GRIA1: variants seen among roughly 807,000 people sequenced by gnomAD.
GRIA1 encodes the protein glutamate ionotropic receptor AMPA type subunit 1, also known as glutamate receptor 1.
In GRIA1, 31 loss-of-function variants were observed where a neutral mutation model predicts 99.2. That is an observed-to-expected ratio of 0.31 (90% CI 0.23 to 0.42). The LOEUF is 0.42. GRIA1 is among the 10% of genes least tolerant of loss of function. The pLI is 1.00. For missense variants in GRIA1, 782 were observed against 1,157.5 expected (o/e 0.68, Z 4.71); for synonymous variants, 438 against 432.4 (o/e 1.01, Z -0.16).
At chr5:153,536,874 G>A (rs75012714) in intron 2 of GRIA1, among the ~76,000 whole-genome samples, 3,151 of 152,202 alleles carry the variant, frequency 0.021, 108 homozygotes, top group African/African-American at 0.071. Context: ...GTTGAGACAG[G>A]TCATCTTTGT....
At chr5:153,800,027 C>T (rs1425741291) in intron 14 of GRIA1, among the ~76,000 whole-genome samples, 2 of 152,330 alleles carry the variant, frequency 1.3e-5, no homozygotes, top group Admixed American at 6.5e-5. Context: ...CTCCCTTGTC[C>T]TTGGAGGCTA....
At chr5:153,711,444 G>C (rs1267241162) in intron 11 of GRIA1, among the ~76,000 whole-genome samples, 2 of 152,144 alleles carry the variant, frequency 1.3e-5, no homozygotes, top group Non-Finnish European at 2.9e-5. Context: ...AGGATGAGGA[G>C]GGGGAGGAAT....
chr5:153,527,113 G>A (rs746649531), intron 2 of GRIA1, among the ~76,000 whole-genome samples: 2 of 152,126 alleles, frequency 1.3e-5, no homozygotes, highest in East Asian at 3.8e-4. Context: ...ATATGCCTTC[G>A]TGATGCTGAT....
chr5:153,507,388 C>G (rs1308670950), intron 2 of GRIA1, among the ~76,000 whole-genome samples: 3 of 152,144 alleles, frequency 2.0e-5, no homozygotes, highest in Non-Finnish European at 4.4e-5. Context: ...CTCACTCCTT[C>G]TGCTCCTTTT....
At chr5:153,505,709 A>G (rs914590246) in intron 2 of GRIA1, among the ~76,000 whole-genome samples, 2 of 152,268 alleles carry the variant, frequency 1.3e-5, no homozygotes, top group Non-Finnish European at 2.9e-5. Context: ...CACTGAGGGA[A>G]CATTGGAAAT....
chr5:153,660,998 T>A (rs1755331400), intron 5 of GRIA1, among the ~76,000 whole-genome samples: 1 of 152,178 alleles, frequency 6.6e-6, no homozygotes. Context: ...TTAACTCCTG[T>A]AGAATGTTAG....
chr5:153,627,200 T>C (rs1767712780), intron 2 of GRIA1, among the ~76,000 whole-genome samples: 1 of 152,150 alleles, frequency 6.6e-6, no homozygotes, highest in Non-Finnish European at 1.5e-5. Flanking sequence ...ACAGAAACAA[T>C]AGTAGTCATT....
At chr5:153,809,454 A>G (rs895236714) in intron 15 of GRIA1, among the ~76,000 whole-genome samples, 3 of 152,234 alleles carry the variant, frequency 2.0e-5, no homozygotes, top group Admixed American at 2.0e-4. Flanking sequence ...AGAACATTTT[A>G]AAACATTGTC....
chr5:153,581,049 G>A (rs1261640582), intron 2 of GRIA1, among the ~76,000 whole-genome samples: 1 of 152,184 alleles, frequency 6.6e-6, no homozygotes, highest in Non-Finnish European at 1.5e-5. Flanking sequence ...GAAACCCAGC[G>A]GCTTACGTAG....
intron 2 of GRIA1, among the ~76,000 whole-genome samples, chr5:153,550,691 G>T (rs527483509): frequency 9.9e-5 from 15 of 152,232 alleles, no homozygotes; most frequent in Admixed American, 8.5e-4. Flanking sequence ...AACTTTACCT[G>T]TTCCTCAGCT....
intron 11 of GRIA1, among the ~76,000 whole-genome samples, chr5:153,752,237 CTATTTTA>C (rs1417565598): frequency 6.6e-6 from 1 of 152,156 alleles, no homozygotes; most frequent in Non-Finnish European, 1.5e-5. Flanking sequence ...CTCACCTCTT[CTATTTTA>C]TATCTATCTC....
At chr5:153,806,055 C>T (rs1356522382) in intron 15 of GRIA1, among the ~76,000 whole-genome samples, 1 of 152,192 alleles carries the variant, frequency 6.6e-6, no homozygotes, top group Non-Finnish European at 1.5e-5. Flanking sequence ...ATGCATTCAA[C>T]TTGCCTCTCA....
chr5:153,603,594 G>A (rs1765194009), intron 2 of GRIA1, among the ~76,000 whole-genome samples: 1 of 152,126 alleles, frequency 6.6e-6, no homozygotes, highest in South Asian at 2.1e-4. Flanking sequence ...AGAAGCTGGA[G>A]CCTATTTTCA....
In GRIA1 at chr5:153,650,467, G is replaced by T. The variant is rs1581402531; in HGVS notation, c.598G>T (p.Val200Leu). The change falls in exon 4 of 16, where the codon GTG becomes TTG. Residue 200 changes from valine (V) to leucine (L), a missense_variant. By Grantham distance (32) the Val-to-Leu change is conservative. This residue lies in a region of GRIA1 where 461 missense variants were observed against 521.7 expected (regional missense o/e 0.88). Coordinates refer to ENST00000285900, the MANE Select transcript of GRIA1 (RefSeq NM_000827.4). Reference protein sequence around the residue: ...QDLEKKKERLVVVDCESERLN... With the variant: ...QDLEKKKERLLVVDCESERLN... ...CCTGGAGAAGAAAAAGGAGCGGCTG[G>T]TGGTGGTGGACTGTGAATCAGAACG... is the stretch of plus-strand genomic sequence containing the variant. The T allele has an allele frequency of 1.2e-6, 2 of 1,613,972 alleles. No individual in the cohort carries two copies. Among genetic ancestry groups the T allele is most frequent in the Admixed American group, 1.7e-5 (1 of 59,990 alleles).
chr5:153,629,916 C>T (rs1422500632), intron 2 of GRIA1, among the ~76,000 whole-genome samples: 1 of 152,156 alleles, frequency 6.6e-6, no homozygotes, highest in African/African-American at 2.4e-5. Flanking sequence ...ATACCACATA[C>T]ACTATGTTGA....
At chr5:153,631,564 A>G (rs1752966369) in intron 2 of GRIA1, among the ~76,000 whole-genome samples, 1 of 152,238 alleles carries the variant, frequency 6.6e-6, no homozygotes, top group Admixed American at 6.5e-5. Context: ...TTGTAATATT[A>G]GGTATCAGAG....
intron 2 of GRIA1, among the ~76,000 whole-genome samples, chr5:153,501,553 G>T (rs1755013604): frequency 1.3e-5 from 2 of 152,178 alleles, no homozygotes; most frequent in Middle Eastern, 3.2e-3. Context: ...ACCCATGGAA[G>T]GGTTTTAAGC....
intron 2 of GRIA1, among the ~76,000 whole-genome samples, chr5:153,506,188 G>T (rs780551623): frequency 6.6e-6 from 1 of 152,164 alleles, no homozygotes; most frequent in Non-Finnish European, 1.5e-5. Flanking sequence ...GGAAGCCACT[G>T]AGCATAGCAA....
At chr5:153,699,909 A>G (rs927566336) in intron 10 of GRIA1, among the ~76,000 whole-genome samples, 7 of 152,228 alleles carry the variant, frequency 4.6e-5, no homozygotes, top group African/African-American at 1.7e-4. Flanking sequence ...CTTTTGCTTA[A>G]TACTTTATGA....
Sources: gnomAD v4.1 joint callset for allele counts (sites outside exome capture counted in the v4.1 genomes callset) on GRCh38, gnomAD v4.1.1 for gene constraint, gnomAD v4.1.1 regional missense constraint, MANE v1.5 for transcripts, NCBI Gene and HGNC (gene_info 2026-07-23, HGNC 2026-07-21) for gene names.